The following BMP8B variants were observed in gnomAD, a reference collection of about 807,000 sequenced individuals.
BMP8B encodes bone morphogenetic protein 8 (osteogenic protein 2).
BMP8B carries 17 observed loss-of-function variants against 30.3 expected under a neutral mutation model. That is an observed-to-expected ratio of 0.56 (90% CI 0.38 to 0.84). BMP8B has a LOEUF of 0.84. BMP8B is among the 40% of genes least tolerant of loss of function. The pLI is 0.00. For synonymous variants in BMP8B, 131 were observed against 214.7 expected (o/e 0.61, Z 3.41); for missense variants, 253 against 494.6 (o/e 0.51, Z 4.63).
chr1:39,766,219 A>C (rs1397367620), intron 3 of BMP8B, among the ~76,000 whole-genome samples: 2 of 145,488 alleles, frequency 1.4e-5, no homozygotes, highest in African/African-American at 5.2e-5. Flanking sequence ...GAGCCTCTTC[A>C]CTCCGTGCAT....
At chr1:39,770,239 G>A (rs1176550549) in intron 3 of BMP8B, 2 of 1,511,600 alleles carry the variant, frequency 1.3e-6, no homozygotes, top group Middle Eastern at 2.2e-4. Flanking sequence ...CGTTCTCACT[G>A]TGAAGATGGA....
chr1:39,779,522 C>T (rs1269117474), intron 1 of BMP8B, among the ~76,000 whole-genome samples: 1 of 152,184 alleles, frequency 6.6e-6, no homozygotes, highest in Non-Finnish European at 1.5e-5. Context: ...CGACTGGAAT[C>T]CTAAGAGAAG....
chr1:39,767,584 G>C (rs1399029218), intron 3 of BMP8B, among the ~76,000 whole-genome samples: 1 of 107,198 alleles, frequency 9.3e-6, no homozygotes, highest in Non-Finnish European at 2.1e-5. Context: ...TGCAGGGAAG[G>C]CCAAGCAGTC....
intron 6 of BMP8B, among the ~76,000 whole-genome samples, 189 bp downstream of exon 6, chr1:39,762,903 T>TGTA (rs1397520317): frequency 2.6e-5 from 4 of 152,166 alleles, no homozygotes; most frequent in African/African-American, 4.8e-5. Context: ...CGAGTCTACG[T>TGTA]GTAGTGTGGC....
intron 4 of BMP8B, among the ~76,000 whole-genome samples, chr1:39,764,271 G>T (rs1315650052): frequency 6.6e-6 from 1 of 151,480 alleles, no homozygotes; most frequent in South Asian, 2.1e-4. Flanking sequence ...GAGAAAACTC[G>T]CATAAGCAAC....
In BMP8B at chr1:39,768,592, G is replaced by A. The variant is rs1294592526; in HGVS notation, c.674-3775C>T. 6.0e-4 allele frequency among the ~76,000 whole-genome samples: 90 copies of A among 149,806 alleles called. 1 individual carries two copies. The South Asian group carries it at 0.014, about 24-fold the overall frequency. On this transcript the variant is annotated intron_variant, in intron 3 of 6. Transcript: ENST00000372827. ...AACGTTCAAGAAGGCTGGGTGCAAT[G>A]GCTCAAGCCTGTACTTTGGGAGGCC...
At chr1:39,781,754 T>C (rs577154733) in intron 1 of BMP8B, among the ~76,000 whole-genome samples, 1 of 152,282 alleles carries the variant, frequency 6.6e-6, no homozygotes, top group Admixed American at 6.5e-5. Flanking sequence ...TGTCTCTCTT[T>C]AAGGCAAGGG....
rs804394 is a variant in BMP8B at position 39,788,850 on chromosome 1, G to A, written c.-365C>T. On this transcript the variant is annotated 5_prime_UTR_variant, in exon 1 of 7. Transcript: ENST00000372827. This position sits in a 1 kb window ranked among gnomAD's most constrained non-coding sequence, Gnocchi z 5.8. ...CTCCTGCAGCCACCCGCTTGGTGCG[G>A]TTCCCGCGAGTCCCTGCCCTGCCCT... is the stretch of plus-strand genomic sequence containing the variant. 101,167 of 151,720 alleles carry A rather than the reference G, an allele frequency of 0.67. 34,035 individuals carry two copies. The highest frequency in any genetic ancestry group is 0.8 in the Middle Eastern group (237 of 298). The allele number at this position is 151,720 out of a possible 1,614,324, so 9.4% of individuals were successfully genotyped here.
chr1:39,763,038 T>C, intron 6 of BMP8B, 54 bp downstream of exon 6: 1 of 1,591,568 alleles, frequency 6.3e-7, no homozygotes, highest in Non-Finnish European at 8.6e-7. Context: ...ACCAGACCCC[T>C]CTCCACAGGG....
At chr1:39,770,689 C>G in intron 3 of BMP8B, 1 of 1,347,870 alleles carries the variant, frequency 7.4e-7, no homozygotes, top group African/African-American at 2.0e-5. Context: ...TGAACTCCCT[C>G]ACCTCTCGGG....
intron 6 of BMP8B, among the ~76,000 whole-genome samples, chr1:39,761,730 C>T (rs1263390795): frequency 6.6e-6 from 1 of 152,190 alleles, no homozygotes; most frequent in Non-Finnish European, 1.5e-5. Context: ...CCTCCTCCAG[C>T]TGCTGACTGG....
chr1:39,764,169 G>A (rs1372973331), intron 4 of BMP8B, among the ~76,000 whole-genome samples: 2 of 152,360 alleles, frequency 1.3e-5, no homozygotes, highest in Non-Finnish European at 2.9e-5. Context: ...AGTGGCTCAC[G>A]ACCAGGCCAG....
In BMP8B at chr1:39,758,980, G is replaced by A. The variant is rs1433369358; in HGVS notation, c.*1439C>T. 6.6e-6 allele frequency: 1 copy of A among 152,310 alleles called. No individual in the cohort carries two copies. The highest frequency in any genetic ancestry group is 1.5e-5 in the Non-Finnish European group (1 of 68,092). 9.4% of individuals were successfully genotyped at this position (152,310 alleles called of 1,614,324 possible). A position where few individuals can be genotyped will look rare whatever the true frequency, so the allele number is the denominator to read the frequency against. On this transcript the variant is annotated 3_prime_UTR_variant, in exon 7 of 7. Coordinates refer to ENST00000372827, the MANE Select transcript of BMP8B (RefSeq NM_001720.5). ...GAGAGGCGCATCCTTGGGCCCATGG[G>A]GAGGTGGAACCACTCTGCCGGGCTG...
At chr1:39,776,873 CAG>C (rs1032899823) in intron 1 of BMP8B, among the ~76,000 whole-genome samples, 4 of 152,152 alleles carry the variant, frequency 2.6e-5, no homozygotes, top group African/African-American at 9.7e-5. Flanking sequence ...TTTCCACACA[CAG>C]GGAGTTTACG....
chr1:39,766,414 TCAGA>T (rs1186106592), intron 3 of BMP8B, among the ~76,000 whole-genome samples: 3 of 126,938 alleles, frequency 2.4e-5, no homozygotes, highest in Admixed American at 7.7e-5. Context: ...GCACATACGC[TCAGA>T]CAGACATCAC....
intron 3 of BMP8B, chr1:39,770,624 T>C (rs761369477): frequency 1.3e-6 from 2 of 1,576,556 alleles, no homozygotes; most frequent in East Asian, 2.3e-5. Flanking sequence ...CTTCCACCCT[T>C]TCACCAGGGC....
chr1:39,782,956 G>A (rs1371480966), intron 1 of BMP8B, among the ~76,000 whole-genome samples: 2 of 151,364 alleles, frequency 1.3e-5, no homozygotes, highest in Non-Finnish European at 2.9e-5. Flanking sequence ...ACCATGCCTG[G>A]CTAATTTTTT....
chr1:39,760,650 C>T (rs1419446535), intron 6 of BMP8B, 82 bp from the exon 7 acceptor site: 2 of 1,511,216 alleles, frequency 1.3e-6, no homozygotes. Flanking sequence ...CCAGCTCCAC[C>T]TGCTCCCTGC....
chr1:39,758,688 G>A lies in BMP8B; in HGVS notation c.*1731C>T, dbSNP rs1340935245. The A allele has an allele frequency of 1.3e-5, 2 of 152,298 alleles. No homozygotes were observed. The highest frequency in any genetic ancestry group is 1.3e-4 in the Admixed American group (2 of 15,286). The allele number at this position is 152,298 out of a possible 1,614,324, so 9.4% of individuals were successfully genotyped here. A position where few individuals can be genotyped will look rare whatever the true frequency, so the allele number is the denominator to read the frequency against. On this transcript the variant is annotated 3_prime_UTR_variant, in exon 7 of 7. Coordinates refer to ENST00000372827, the MANE Select transcript of BMP8B (RefSeq NM_001720.5). ...AGTGCAGATAGAAAATGGAGGCGCA[G>A]ATAAGGAAGCCACCTACAAGGCAGG...
Sources: gnomAD v4.1 joint callset for allele counts (sites outside exome capture counted in the v4.1 genomes callset) on GRCh38, gnomAD v4.1.1 for gene constraint, Gnocchi (gnomAD v3.1) non-coding constraint, MANE v1.5 for transcripts, NCBI Gene and HGNC (gene_info 2026-07-23, HGNC 2026-07-21) for gene names.